The following COL21A1 variants were observed in gnomAD, a reference collection of about 807,000 sequenced individuals.
The protein encoded by COL21A1 is collagen alpha-1(XXI) chain.
A neutral mutation model predicts 137.9 loss-of-function variants in COL21A1; 149 were observed. The observed-to-expected ratio is 1.08, with a 90% CI of 0.95 to 1.24. COL21A1 has a LOEUF of 1.24. COL21A1 is among the 50% of genes most tolerant of loss of function. The pLI is 0.00. For synonymous variants in COL21A1, 456 were observed against 391.5 expected (o/e 1.16, Z -1.95); for missense variants, 1,167 against 1,158.4 (o/e 1.01, Z -0.11).
intron 17 of COL21A1, among the ~76,000 whole-genome samples, chr6:56,079,071 G>A (rs9475558): frequency 0.56 from 85,522 of 151,392 alleles, 24,507 homozygotes; most frequent in East Asian, 0.83. Flanking sequence ...CAAAATAAGG[G>A]CCTCCATTTG....
chr6:56,117,675 T>C (rs948486077), intron 16 of COL21A1, among the ~76,000 whole-genome samples: 11 of 152,008 alleles, frequency 7.2e-5, no homozygotes, highest in Non-Finnish European at 1.5e-4. Context: ...AGACAGACCA[T>C]AGGTTAGGTC....
At chr6:56,245,637 T>G (rs571165208) in intron 1 of COL21A1, among the ~76,000 whole-genome samples, 2 of 152,274 alleles carry the variant, frequency 1.3e-5, no homozygotes, top group African/African-American at 4.8e-5. Flanking sequence ...GAGGTAAGTG[T>G]ACTAGTACGC....
intron 28 of COL21A1, 144 bp from the exon 29 acceptor site, chr6:56,059,386 C>G: frequency 1.9e-6 from 1 of 532,510 alleles, no homozygotes; most frequent in South Asian, 3.1e-5. Flanking sequence ...TAATGGAAAA[C>G]AAGTTTTGAA....
At chr6:56,215,698 C>T (rs980857615) in intron 1 of COL21A1, among the ~76,000 whole-genome samples, 1 of 152,038 alleles carries the variant, frequency 6.6e-6, no homozygotes, top group Admixed American at 6.6e-5. Context: ...CATAAAAGCA[C>T]TTTCCACAGT....
intron 1 of COL21A1, among the ~76,000 whole-genome samples, chr6:56,239,383 A>G (rs541124508): frequency 6.6e-6 from 1 of 152,304 alleles, no homozygotes; most frequent in Admixed American, 6.5e-5. Flanking sequence ...TGCATCATAA[A>G]AATAATACAT....
chr6:56,216,746 C>T (rs1176959215), intron 1 of COL21A1, among the ~76,000 whole-genome samples: 1 of 152,064 alleles, frequency 6.6e-6, no homozygotes, highest in Non-Finnish European at 1.5e-5. Flanking sequence ...TCTTTTTACT[C>T]AGGCCAAAAC....
At position 56,369,606 on chromosome 6, in the gene COL21A1, AC is replaced by A. The variant is rs1766183679; in HGVS notation, c.-39+24364del. On this transcript the variant is annotated intron_variant, in intron 1 of 28. Coordinates refer to the COL21A1 transcript ENST00000370819. ...GATAAGAAAGGAAACAATTGTGAAA[AC>A]TTTTTTTATAAGATATGATAAAAGG... Among the ~76,000 whole-genome samples the A allele has an allele frequency of 3.4e-5, 4 of 117,068 alleles. No individual in the cohort carries two copies. In the South Asian group the frequency reaches 9.8e-4, roughly 29 times the overall value. 76.8% of individuals were successfully genotyped at this position (117,068 alleles called of 152,430 possible). A position where few individuals can be genotyped will look rare whatever the true frequency, so the allele number is the denominator to read the frequency against.
chr6:56,172,468 C>G (rs1402375407), intron 3 of COL21A1, among the ~76,000 whole-genome samples: 1 of 152,104 alleles, frequency 6.6e-6, no homozygotes, highest in Non-Finnish European at 1.5e-5. Flanking sequence ...AAAGACTTTT[C>G]TAGATAAACA....
intron 1 of COL21A1, among the ~76,000 whole-genome samples, chr6:56,337,276 G>A (rs1562062515): frequency 6.6e-6 from 1 of 152,172 alleles, no homozygotes; most frequent in Non-Finnish European, 1.5e-5. Context: ...TGTATCAACA[G>A]CAACTTCTAC....
intron 3 of COL21A1, among the ~76,000 whole-genome samples, chr6:56,178,173 A>G (rs1053302728): frequency 3.3e-5 from 5 of 152,188 alleles, no homozygotes; most frequent in Non-Finnish European, 5.9e-5. Context: ...ATGAATGATA[A>G]GTGAAATTTC....
intron 12 of COL21A1, among the ~76,000 whole-genome samples, chr6:56,130,165 TTATATA>T (rs201644225): frequency 1.6e-3 from 169 of 107,888 alleles, no homozygotes; most frequent in African/African-American, 4.8e-3. Flanking sequence ...TGACAGGGTT[TTATATA>T]TATATATATA....
At chr6:56,178,825 C>T (rs189290796) in intron 3 of COL21A1, among the ~76,000 whole-genome samples, 211 of 152,112 alleles carry the variant, frequency 1.4e-3, no homozygotes, top group African/African-American at 4.9e-3. Context: ...TTCAAATGTT[C>T]TGTGAAAGGG....
rs201689905 is a variant in COL21A1 at position 56,143,895 on chromosome 6, TA to T, written c.1435-1913del. On this transcript the variant is annotated intron_variant, in intron 10 of 29. Coordinates refer to ENST00000244728, the MANE Select transcript of COL21A1 (RefSeq NM_030820.4). Reference sequence around the variant, plus strand: ...GTCATCAACTCTATACATGAACGTGTAAAAAAAAATCTCCTTCTCCAATGAA... The same window carrying T: ...GTCATCAACTCTATACATGAACGTGTAAAAAAAATCTCCTTCTCCAATGAA... 4.0e-5 allele frequency among the ~76,000 whole-genome samples: 6 copies of T among 151,896 alleles called. No individual in the cohort carries two copies. In the South Asian group the frequency reaches 6.2e-4, roughly 16 times the overall value.
In COL21A1 at chr6:56,179,870, T is replaced by C. The variant is rs961755764; in HGVS notation, c.348A>G (p.Thr116=). Reference sequence around the variant, plus strand: ...CGAGCGCAAACTGGATGGCCTTCCCTGTCTTTGTGTTTCCTCCTAAGTAGA... The same window carrying C: ...CGAGCGCAAACTGGATGGCCTTCCCCGTCTTTGTGTTTCCTCCTAAGTAGA... ...SILYLGGNTK[T]GKAIQFALDY... is the part of the protein sequence containing the mutation. The change falls in exon 3 of 30, where the codon ACA becomes ACG. Residue 116 remains threonine, a synonymous_variant. Transcript: ENST00000244728. The C allele has an allele frequency of 1.2e-6, 2 of 1,613,984 alleles. No individual in the cohort carries two copies. Among genetic ancestry groups the C allele is most frequent in the African/African-American group, 2.7e-5 (2 of 75,052 alleles).
rs946098773 is a variant in COL21A1, at chr6:56,179,976, T to C, written c.242A>G (p.Tyr81Cys). 1.2e-6 allele frequency: 2 copies of C among 1,613,948 alleles called. No homozygotes were observed. Among genetic ancestry groups the C allele is most frequent in the Non-Finnish European group, 8.5e-7 (1 of 1,179,868 alleles). The change falls in exon 3 of 30, where the codon TAT (tyrosine) becomes TGT (cysteine). Residue 81 changes from tyrosine (Y) to cysteine (C), a missense_variant. Tyr to Cys is a radical substitution (Grantham distance 194). Coordinates refer to ENST00000244728, the MANE Select transcript of COL21A1 (RefSeq NM_030820.4). Reference sequence around the variant, plus strand: ...AATCTCCAGCACAGGGTAGTCACTATATTGAACCACTCCAACTTGAATAAA... The same window carrying C: ...AATCTCCAGCACAGGGTAGTCACTACATTGAACCACTCCAACTTGAATAAA... ...PKFIQVGVVQYSDYPVLEIPL... is the reference protein window; with the variant it reads ...PKFIQVGVVQCSDYPVLEIPL...
intron 3 of COL21A1, 82 bp from the exon 4 acceptor site, chr6:56,171,210 A>C (rs1777021059): frequency 1.2e-6 from 1 of 835,878 alleles, no homozygotes; most frequent in African/African-American, 1.7e-5. Context: ...AATACTAGAC[A>C]ATATAGTATT....
intron 17 of COL21A1, among the ~76,000 whole-genome samples, chr6:56,100,164 T>C (rs913563398): frequency 5.9e-5 from 9 of 152,230 alleles, no homozygotes; most frequent in African/African-American, 1.9e-4. Context: ...TAAGATCATT[T>C]CATTATTTCC....
intron 1 of COL21A1, among the ~76,000 whole-genome samples, chr6:56,333,328 A>C (rs1434144512): frequency 7.2e-6 from 1 of 139,256 alleles, no homozygotes. Flanking sequence ...CTGCTAATAT[A>C]CTTCCTGTCA....
intron 18 of COL21A1, among the ~76,000 whole-genome samples, chr6:56,076,226 GAT>G (rs1433631477): frequency 6.6e-6 from 1 of 151,390 alleles, no homozygotes; most frequent in African/African-American, 2.4e-5. Context: ...CAATACCTAT[GAT>G]GACTCAGCAC....
Sources: gnomAD v4.1 joint callset for allele counts (sites outside exome capture counted in the v4.1 genomes callset) on GRCh38, gnomAD v4.1.1 for gene constraint, MANE v1.5 for transcripts, NCBI Gene and HGNC (gene_info 2026-07-23, HGNC 2026-07-21) for gene names.